Variants in BBS2 observed in about 807,000 individuals in gnomAD.
BBS2 encodes Bardet-Biedl syndrome 2, also known as BBSome complex member BBS2.
In BBS2, 62 loss-of-function variants were observed where a neutral mutation model predicts 83.0. That is an observed-to-expected ratio of 0.75 (90% CI 0.61 to 0.92). The LOEUF is 0.92. Ranked by LOEUF, BBS2 falls within the 40% of genes least tolerant of loss-of-function variation. The pLI, the probability that BBS2 is intolerant of heterozygous loss-of-function variation, is 0.00. For missense variants in BBS2, 784 were observed against 901.0 expected, an observed-to-expected ratio of 0.87 and a Z score of 1.66; for synonymous variants, 303 against 326.1, an observed-to-expected ratio of 0.93 and a Z score of 0.76.
chr16:56,479,084 CT>C (rs1399987688), intron 17 of BBS2: 13 of 152,196 alleles, frequency 8.5e-5, no homozygotes, highest in African/African-American at 2.9e-4. Flanking sequence ...CAGATAAAAG[CT>C]ATGATGTTCA....
At chr16:56,474,157 G>T (rs1963341473) in intron 17 of BBS2, among the ~76,000 whole-genome samples, 1 of 151,980 alleles carries the variant, frequency 6.6e-6, no homozygotes, top group African/African-American at 2.4e-5. Flanking sequence ...TAGTAATCAG[G>T]TCTATCTTTG....
intron 5 of BBS2, 24 bp from the exon 6 acceptor site, chr16:56,506,248 CA>C: frequency 6.4e-7 from 1 of 1,558,806 alleles, no homozygotes. Context: ...CACAAAAACA[CA>C]ACATCTTTTC....
At chr16:56,512,070 G>C (rs1333559542) in intron 2 of BBS2, among the ~76,000 whole-genome samples, 1 of 152,096 alleles carries the variant, frequency 6.6e-6, no homozygotes, top group South Asian at 2.1e-4. Context: ...ACACATAAAT[G>C]TCCATTTATG....
intron 17 of BBS2, chr16:56,475,424 C>A: frequency 1.6e-6 from 2 of 1,249,590 alleles, no homozygotes; most frequent in East Asian, 2.3e-5. Flanking sequence ...CACTGTTAAG[C>A]AGCATGGGAT....
chr16:56,514,966 C>T (rs1964691884), intron 1 of BBS2, among the ~76,000 whole-genome samples: 2 of 152,192 alleles, frequency 1.3e-5, no homozygotes, highest in Admixed American at 1.3e-4. Flanking sequence ...AGCAGGATGT[C>T]AAAGCACTCT....
In BBS2 at chr16:56,484,669, CG is replaced by C; in HGVS notation, c.*91del. On this transcript the variant is annotated 3_prime_UTR_variant, in exon 17 of 17. Transcript: ENST00000245157. ...CAAGGTTATTTTCATTCTTAGCACC[CG>C]GGGTTCACCAGGGTGTGATCCAAAG... The C allele has an allele frequency of 9.9e-7, 1 of 1,013,284 alleles. No homozygotes were observed. The highest frequency in any genetic ancestry group is 1.5e-6 in the Non-Finnish European group (1 of 649,554). The allele number at this position is 1,013,284 out of a possible 1,614,324, so 62.8% of individuals were successfully genotyped here.
chr16:56,485,331 T>C (rs541410150), intron 16 of BBS2, among the ~76,000 whole-genome samples: 102 of 152,304 alleles, frequency 6.7e-4, no homozygotes, highest in Non-Finnish European at 8.5e-4. Flanking sequence ...CTTTGGGTTA[T>C]ATATAGTAGG....
chr16:56,502,488 C>G, intron 8 of BBS2, 32 bp from the exon 9 acceptor site: 2 of 1,613,952 alleles, frequency 1.2e-6, no homozygotes, highest in Non-Finnish European at 1.7e-6. Context: ...CAAGTATAAC[C>G]AGGTATACTT....
At chr16:56,471,213 T>C (rs1596985157) in intron 17 of BBS2, among the ~76,000 whole-genome samples, 1 of 138,998 alleles carries the variant, frequency 7.2e-6, no homozygotes, top group African/African-American at 2.7e-5. Flanking sequence ...AAAAAAAAAA[T>C]TTGCCAGGCA....
In BBS2 at chr16:56,484,875, A is replaced by G. The variant is rs2144093365; in HGVS notation, c.2060-8T>C. On this transcript the variant is annotated splice_polypyrimidine_tract_variant and splice_region_variant and intron_variant, in intron 16 of 16. Transcript: ENST00000245157. The stretch of plus-strand genomic sequence containing the variant: ...GGTTCTTTGGTTTTCCAACTGCATA[A>G]GAAGAAACATCAGGAACCAAAAGAT... The G allele has an allele frequency of 9.3e-6, 15 of 1,608,208 alleles. No homozygotes were observed. The highest frequency in any genetic ancestry group is 1.2e-5 in the Non-Finnish European group (14 of 1,174,694).
At chr16:56,493,629 G>A (rs1458995924) in intron 15 of BBS2, among the ~76,000 whole-genome samples, 1 of 152,068 alleles carries the variant, frequency 6.6e-6, no homozygotes, top group Non-Finnish European at 1.5e-5. Context: ...TTACAAAAAG[G>A]TTTTAGTAAA....
chr16:56,514,715 A>G, intron 1 of BBS2, 35 bp from the exon 2 acceptor site: 2 of 1,475,058 alleles, frequency 1.4e-6, no homozygotes, highest in Non-Finnish European at 1.9e-6. Flanking sequence ...TTCCCTTAAA[A>G]TATAAAAAAT....
At chr16:56,488,970 G>A (rs993529679) in intron 15 of BBS2, among the ~76,000 whole-genome samples, 5 of 152,072 alleles carry the variant, frequency 3.3e-5, no homozygotes, top group African/African-American at 9.7e-5. Flanking sequence ...TTTTAGAGAT[G>A]GGGTCTTGCT....
chr16:56,484,899 A>G, intron 16 of BBS2, 32 bp from the exon 17 acceptor site: 1 of 1,508,704 alleles, frequency 6.6e-7, no homozygotes, highest in Non-Finnish European at 9.2e-7. Context: ...GAACCAAAAG[A>G]TTGTTAGACA....
rs766487572 is a variant in BBS2, at chr16:56,475,494, T to C, written c.*1-4799A>G. On this transcript the variant is annotated intron_variant, in intron 17 of 17. Coordinates refer to the BBS2 transcript ENST00000682047. ...AGGAGCTTTCTGAATGCTGTTTGTT[T>C]TTCTCTTGTAAGGCTGGGAGCCAGA... 1.9e-6 allele frequency: 3 copies of C among 1,613,508 alleles called. No individual in the cohort carries two copies. The South Asian group carries it at 3.3e-5, about 18-fold the overall frequency.
rs1324759342 is a variant in BBS2 at position 56,500,903 on chromosome 16, CT to C, written c.1347del (p.Asp450MetfsTer8). On this transcript the variant is annotated frameshift_variant, in exon 11 of 17. Transcript: ENST00000245157. LOFTEE classifies it high-confidence loss of function. ...TTCAAGTGCAGATCCACAGGGACAT[CT>C]TTGGGAGGCACAATAGGGATGCAGA... The part of the protein sequence containing the change: ...SSICIPIVPP[K>X]DVPVDLHLKA... 3 of 1,614,152 alleles carry C rather than the reference CT, an allele frequency of 1.9e-6. No individual in the cohort carries two copies. In the South Asian group the frequency reaches 3.3e-5, roughly 18 times the overall value.
At chr16:56,498,949 G>A (rs1964188575) in intron 12 of BBS2, 1 of 342,156 alleles carries the variant, frequency 2.9e-6, no homozygotes, top group Non-Finnish European at 5.6e-6. Flanking sequence ...CCTGGACAAT[G>A]TAGCGTGCTT....
rs1224299370 is a variant in BBS2, at chr16:56,498,727, C to T, written c.1528-159G>A. The T allele has an allele frequency of 5.9e-6, 9 of 1,513,408 alleles. No homozygotes were observed. In the East Asian group the frequency reaches 1.3e-4, roughly 21 times the overall value. 93.7% of individuals were successfully genotyped at this position (1,513,408 alleles called of 1,614,324 possible). On this transcript the variant is annotated intron_variant, in intron 12 of 16. Transcript: ENST00000245157. ...TTGAGAAAAAAAAAAAAGAATTATA[C>T]TTCATCCCACACCAAGAAAATACTA...
intron 1 of BBS2, among the ~76,000 whole-genome samples, chr16:56,517,970 C>T (rs1964799155): frequency 6.6e-6 from 1 of 152,088 alleles, no homozygotes; most frequent in Non-Finnish European, 1.5e-5. Context: ...TAGGCACCTA[C>T]CACACCTGGC....
Sources: allele counts gnomAD v4.1 joint callset (sites outside exome capture counted in the v4.1 genomes callset), GRCh38; gene constraint gnomAD v4.1.1; transcripts MANE v1.5; gene names NCBI Gene and HGNC (gene_info 2026-07-23, HGNC 2026-07-21).